TMTC2: variants seen among roughly 807,000 people sequenced by gnomAD.
TMTC2 encodes the protein protein O-mannosyl-transferase TMTC2.
Under a neutral mutation model 82.4 loss-of-function variants are expected in TMTC2, and 43 were observed. That is an observed-to-expected ratio of 0.52 (90% CI 0.41 to 0.67). The LOEUF is 0.67. TMTC2 is among the 30% of genes least tolerant of loss of function. The pLI is 0.00. For missense variants in TMTC2, 919 were observed against 1,012.4 expected (o/e 0.91, Z 1.25); for synonymous variants, 408 against 381.9 (o/e 1.07, Z -0.80).
intron 1 of TMTC2, among the ~76,000 whole-genome samples, chr12:82,721,445 G>C (rs900400902): frequency 6.6e-6 from 1 of 151,762 alleles, no homozygotes; most frequent in African/African-American, 2.4e-5. Flanking sequence ...TTAAATTATG[G>C]TTTAGCCACT....
At chr12:82,922,792 T>A (rs75877741) in intron 3 of TMTC2, among the ~76,000 whole-genome samples, 11,348 of 152,282 alleles carry the variant, frequency 0.075, 518 homozygotes, top group Middle Eastern at 0.096. Context: ...TCCTTTTTTT[T>A]AAATTCTCTG....
In TMTC2 at chr12:82,785,058, T is replaced by C. The variant is rs533426502; in HGVS notation, c.84-71952T>C. Among the ~76,000 whole-genome samples, 5 of 152,240 alleles carry C rather than the reference T, an allele frequency of 3.3e-5. No homozygotes were observed. The East Asian group carries it at 9.7e-4, about 29-fold the overall frequency. ...ATAGAAGGGAAGAGACTTTTCTTAA[T>C]AGTTTTTGCTTCTCTTAAAGATGTA... On this transcript the variant is annotated intron_variant, in intron 1 of 11. Coordinates refer to ENST00000321196, the MANE Select transcript of TMTC2 (RefSeq NM_152588.3).
chr12:82,969,584 A>T (rs151232226), intron 7 of TMTC2, among the ~76,000 whole-genome samples: 1 of 152,318 alleles, frequency 6.6e-6, no homozygotes, highest in Non-Finnish European at 1.5e-5. Flanking sequence ...TATGAAAAAC[A>T]TGCTATATAC....
chr12:82,931,926 C>A (rs986838761), intron 4 of TMTC2, among the ~76,000 whole-genome samples: 1 of 152,006 alleles, frequency 6.6e-6, no homozygotes, highest in Non-Finnish European at 1.5e-5. Context: ...CGAGTCACTT[C>A]CATTGACAGC....
chr12:83,115,572 G>C (rs1429554930), intron 11 of TMTC2, among the ~76,000 whole-genome samples: 1 of 151,606 alleles, frequency 6.6e-6, no homozygotes. Context: ...GCAAATTAAG[G>C]TGGAGTACTG....
At chr12:82,917,207 C>T (rs1292715791) in intron 3 of TMTC2, among the ~76,000 whole-genome samples, 1 of 152,154 alleles carries the variant, frequency 6.6e-6, no homozygotes, top group Non-Finnish European at 1.5e-5. Context: ...CATTCATGCT[C>T]GTTTTCAGTT....
intron 1 of TMTC2, among the ~76,000 whole-genome samples, chr12:82,700,560 T>G (rs1873026627): frequency 6.6e-6 from 1 of 152,148 alleles, no homozygotes; most frequent in Admixed American, 6.5e-5. Context: ...ATTTTAAGTT[T>G]GGAGAAGTGA....
chr12:82,771,220 A>AG (rs1877292918), intron 1 of TMTC2, among the ~76,000 whole-genome samples: 17 of 151,434 alleles, frequency 1.1e-4, no homozygotes, highest in Admixed American at 1.1e-3. Context: ...AAAAAAAAAA[A>AG]AAAAAGTTGT....
At chr12:82,869,137 G>T (rs1483307443) in intron 2 of TMTC2, among the ~76,000 whole-genome samples, 1 of 152,088 alleles carries the variant, frequency 6.6e-6, no homozygotes, top group Non-Finnish European at 1.5e-5. Flanking sequence ...GCGAGTGGCA[G>T]GGGTGACCAT....
intron 2 of TMTC2, among the ~76,000 whole-genome samples, chr12:82,858,965 A>C (rs1871392707): frequency 6.6e-6 from 1 of 152,152 alleles, no homozygotes; most frequent in African/African-American, 2.4e-5. Context: ...GAGAAGTGTA[A>C]TTCCTGCTCT....
intron 7 of TMTC2, among the ~76,000 whole-genome samples, chr12:82,969,828 A>C (rs1327950653): frequency 6.6e-6 from 1 of 152,170 alleles, no homozygotes; most frequent in Non-Finnish European, 1.5e-5. Context: ...GAGTAACAAT[A>C]ATTGAGGACA....
At chr12:82,986,967 T>C (rs1409432250) in intron 8 of TMTC2, among the ~76,000 whole-genome samples, 1 of 152,138 alleles carries the variant, frequency 6.6e-6, no homozygotes, top group Non-Finnish European at 1.5e-5. Flanking sequence ...CTAATCTCTC[T>C]TCAATATTAA....
intron 11 of TMTC2, among the ~76,000 whole-genome samples, chr12:83,100,631 AT>A (rs1050272930): frequency 4.0e-5 from 6 of 151,356 alleles, no homozygotes; most frequent in East Asian, 1.9e-4. Context: ...ATAATCTGAG[AT>A]TTTTTTTTCA....
intron 1 of TMTC2, among the ~76,000 whole-genome samples, chr12:82,721,907 A>C (rs1400038230): frequency 6.6e-6 from 1 of 152,214 alleles, no homozygotes; most frequent in Non-Finnish European, 1.5e-5. Context: ...TTAGAAATGA[A>C]GAAATTGAGA....
chr12:83,066,256 G>C (rs1592725439), intron 11 of TMTC2, among the ~76,000 whole-genome samples: 1 of 151,930 alleles, frequency 6.6e-6, no homozygotes, highest in South Asian at 2.1e-4. Context: ...TTGAGCTGAA[G>C]AGGCACTGAG....
At chr12:82,947,404 G>A (rs1195226569) in intron 4 of TMTC2, among the ~76,000 whole-genome samples, 1 of 149,968 alleles carries the variant, frequency 6.7e-6, no homozygotes, top group Admixed American at 6.7e-5. Context: ...GTGCAGTGGC[G>A]CGATCTCGGC....
chr12:82,907,218 C>T (rs1406488074), intron 3 of TMTC2, among the ~76,000 whole-genome samples: 1 of 151,938 alleles, frequency 6.6e-6, no homozygotes, highest in Admixed American at 6.6e-5. Context: ...AATACCAGCA[C>T]TTTGGGAGGC....
At position 83,133,196 on chromosome 12, in the gene TMTC2, T is replaced by C. The variant is rs1885321804; in HGVS notation, c.*807T>C. The C allele has an allele frequency of 6.6e-6, 1 of 152,218 alleles. No individual in the cohort carries two copies. The highest frequency in any genetic ancestry group is 2.1e-4 in the South Asian group (1 of 4,828). 9.4% of individuals were successfully genotyped at this position (152,218 alleles called of 1,614,324 possible). A position where few individuals can be genotyped will look rare whatever the true frequency, so the allele number is the denominator to read the frequency against. On this transcript the variant is annotated 3_prime_UTR_variant, in exon 12 of 12. Transcript: ENST00000321196. ...AGTAGAATTCATTGTATTAATTCTTTTGAAATTACCTTTGAAAATAGCTAT... is the reference window on the plus strand; with the variant it reads ...AGTAGAATTCATTGTATTAATTCTTCTGAAATTACCTTTGAAAATAGCTAT...
intron 1 of TMTC2, among the ~76,000 whole-genome samples, chr12:82,776,739 T>G (rs1877624476): frequency 3.3e-5 from 5 of 151,460 alleles, no homozygotes; most frequent in Admixed American, 2.6e-4. Context: ...ACCAGTGCAC[T>G]CCATTCTGGG....
Sources: allele counts gnomAD v4.1 joint callset (sites outside exome capture counted in the v4.1 genomes callset), GRCh38; gene constraint gnomAD v4.1.1; transcripts MANE v1.5; gene names NCBI Gene and HGNC (gene_info 2026-07-23, HGNC 2026-07-21).